CRTAC1: variants seen among roughly 807,000 people sequenced by gnomAD.
CRTAC1 encodes cartilage acidic protein 1.
A neutral mutation model predicts 67.8 loss-of-function variants in CRTAC1; 37 were observed. The ratio of observed to expected loss-of-function variants is 0.55; its 90% CI spans 0.42 to 0.72. CRTAC1 has a LOEUF of 0.72. CRTAC1 is among the 30% of genes least tolerant of loss of function. CRTAC1 has a pLI of 0.00. For missense variants in CRTAC1, 780 were observed against 931.6 expected (o/e 0.84, Z 2.12); for synonymous variants, 348 against 371.0 (o/e 0.94, Z 0.71).
rs142410532 is a variant in CRTAC1 at position 97,884,280 on chromosome 10, C to T, written c.1558G>A (p.Gly520Arg). The T allele has an allele frequency of 1.3e-3, 2,036 of 1,557,914 alleles. 1 individual carries two copies. Among genetic ancestry groups the T allele is most frequent in the Non-Finnish European group, 1.6e-3 (1,862 of 1,150,260 alleles). Residue 520 changes from glycine (G) to arginine (R), a missense_variant, in exon 12 of 15, where the codon GGG becomes AGG. Gly to Arg is a moderately radical substitution (Grantham distance 125). Coordinates refer to ENST00000370597, the MANE Select transcript of CRTAC1 (RefSeq NM_018058.7). Reference sequence around the variant, plus strand: ...ATCTCCAGCACTGAGTTCATCTCCCCGCTGGCCACGTTCCGGCTCACCATC... The same window carrying T: ...ATCTCCAGCACTGAGTTCATCTCCCTGCTGGCCACGTTCCGGCTCACCATC... ...GKMVSRNVAS[G>R]EMNSVLEILY...
chr10:97,865,172 G>A lies in CRTAC1; in HGVS notation c.*376C>T. ...CGATAATGGATGGCTAACAAGTTAA[G>A]TGACTGGTGTAAGGTCACATAGCTT... On this transcript the variant is annotated 3_prime_UTR_variant, in exon 15 of 15. Transcript: ENST00000370597. 5.4e-6 allele frequency: 1 copy of A among 186,612 alleles called. No individual in the cohort carries two copies. The highest frequency in any genetic ancestry group is 1.1e-5 in the Non-Finnish European group (1 of 90,948). 11.6% of individuals were successfully genotyped at this position (186,612 alleles called of 1,614,324 possible).
intron 3 of CRTAC1, among the ~76,000 whole-genome samples, chr10:97,925,776 G>A (rs2050906598): frequency 6.6e-6 from 1 of 152,098 alleles, no homozygotes. Flanking sequence ...TGAGCGTAGA[G>A]TGCGCGAGAA....
intron 11 of CRTAC1, among the ~76,000 whole-genome samples, chr10:97,891,982 G>A (rs937623860): frequency 2.0e-5 from 3 of 152,190 alleles, no homozygotes; most frequent in Non-Finnish European, 2.9e-5. Context: ...GGAGTCTGCC[G>A]GGAGGCCCCT....
At chr10:97,986,539 C>CA (rs1218513974) in intron 2 of CRTAC1, among the ~76,000 whole-genome samples, 1 of 152,022 alleles carries the variant, frequency 6.6e-6, no homozygotes, top group Non-Finnish European at 1.5e-5. Context: ...GAGGACAATA[C>CA]AAAAAACAAA....
intron 12 of CRTAC1, among the ~76,000 whole-genome samples, chr10:97,883,350 C>A (rs1025087600): frequency 2.0e-5 from 3 of 152,240 alleles, no homozygotes; most frequent in African/African-American, 7.2e-5. Flanking sequence ...CAAATTGACT[C>A]AGAGACTTAA....
Position 98,005,100 on chromosome 10 carries a change from A to ATTTT in CRTAC1, c.224+6034_224+6037dup, listed in dbSNP as rs10683960. Among the ~76,000 whole-genome samples, 195 of 48,880 alleles carry ATTTT rather than the reference A, an allele frequency of 4.0e-3. 3 individuals are homozygous for ATTTT. Among genetic ancestry groups the ATTTT allele is most frequent in the Non-Finnish European group, 4.8e-3 (139 of 28,964 alleles). The allele number at this position is 48,880 out of a possible 152,430, so 32.1% of individuals were successfully genotyped here. A position where few individuals can be genotyped will look rare whatever the true frequency, so the allele number is the denominator to read the frequency against. On this transcript the variant is annotated intron_variant, in intron 2 of 14. Coordinates refer to ENST00000370597, the MANE Select transcript of CRTAC1 (RefSeq NM_018058.7). ...GTAATACATATATATATATATATAT[A>ATTTT]TTTTTTTTTTTTTTTTTTTTTGAGA... is the stretch of plus-strand genomic sequence containing the variant.
At chr10:97,897,020 G>C in intron 8 of CRTAC1, 29 bp from the exon 9 acceptor site, 2 of 1,524,104 alleles carry the variant, frequency 1.3e-6, no homozygotes, top group Admixed American at 2.0e-5. Context: ...GCTTGCTCTG[G>C]TGGGGTCTCA....
Position 97,865,719 on chromosome 10 carries a change from A to G in CRTAC1, c.1820-5T>C. ...CCGGTGACTGGCCGAGAGTCCCTGT[A>G]GGGAGGTGTATGGCCGGAGTGAGGG... On this transcript the variant is annotated splice_region_variant and splice_polypyrimidine_tract_variant and intron_variant, in intron 14 of 14. Transcript: ENST00000370597. 1 of 1,587,216 alleles carries G rather than the reference A, an allele frequency of 6.3e-7. No individual in the cohort carries two copies. Among genetic ancestry groups the G allele is most frequent in the South Asian group, 1.1e-5 (1 of 88,856 alleles).
intron 5 of CRTAC1, among the ~76,000 whole-genome samples, chr10:97,915,445 C>T (rs535562742): frequency 1.4e-4 from 21 of 152,350 alleles, no homozygotes; most frequent in African/African-American, 5.1e-4. Flanking sequence ...GCTCCAGGGA[C>T]CTCCCAGCTC....
intron 1 of CRTAC1, among the ~76,000 whole-genome samples, chr10:98,023,123 C>A (rs1420428053): frequency 8.5e-5 from 13 of 152,084 alleles, no homozygotes. Flanking sequence ...CCTGCAGCAG[C>A]CAGGTGGGAA....
Position 97,975,587 on chromosome 10 carries a change from T to C in CRTAC1, c.224+35551A>G, listed in dbSNP as rs1224224060. Among the ~76,000 whole-genome samples, 1 of 152,138 alleles carries C rather than the reference T, an allele frequency of 6.6e-6. No homozygotes were observed. Among genetic ancestry groups the C allele is most frequent in the Non-Finnish European group, 1.5e-5 (1 of 68,010 alleles). On this transcript the variant is annotated intron_variant, in intron 2 of 14. Coordinates refer to ENST00000370597, the MANE Select transcript of CRTAC1 (RefSeq NM_018058.7). This position sits in a 1 kb window ranked among gnomAD's most constrained non-coding sequence, Gnocchi z 4.8. The stretch of plus-strand genomic sequence containing the variant: ...TTTTCCTAAAGGACGTGGGGCACCA[T>C]TTCTGTTACAACTGGCAGCCAGTCT...
chr10:98,005,096 ATATATTTTTTTT>A (rs1842758759), intron 2 of CRTAC1, among the ~76,000 whole-genome samples: 1 of 33,018 alleles, frequency 3.0e-5, no homozygotes, highest in Admixed American at 4.5e-4. Context: ...ATATATATAT[ATATATTTTTTTT>A]TTTTTTTTTT....
intron 11 of CRTAC1, among the ~76,000 whole-genome samples, chr10:97,891,197 A>G (rs2136550781): frequency 6.6e-6 from 1 of 152,328 alleles, no homozygotes; most frequent in African/African-American, 2.4e-5. Flanking sequence ...TTTCCTTAAT[A>G]TTCCAAACAG....
At position 97,953,466 on chromosome 10, in the gene CRTAC1, C is replaced by A. The variant is rs561630580; in HGVS notation, c.225-17100G>T. Among the ~76,000 whole-genome samples the A allele has an allele frequency of 2.0e-5, 3 of 152,228 alleles. No individual in the cohort carries two copies. The South Asian group carries it at 6.2e-4, about 32-fold the overall frequency. ...TAGCCTCGATAAATGGCCAGGAGGC[C>A]AGCAGACCCTCAATGGAGGTCCCTT... On this transcript the variant is annotated intron_variant, in intron 2 of 14. Transcript: ENST00000370597.
chr10:98,027,121 T>G (rs1285416142), intron 1 of CRTAC1, among the ~76,000 whole-genome samples: 1 of 149,926 alleles, frequency 6.7e-6, no homozygotes, highest in South Asian at 2.1e-4. Flanking sequence ...GAGCCGAGAT[T>G]GCGCCACTGC....
intron 11 of CRTAC1, among the ~76,000 whole-genome samples, chr10:97,890,183 C>T (rs916694236): frequency 1.3e-5 from 2 of 152,130 alleles, no homozygotes; most frequent in African/African-American, 4.8e-5. Flanking sequence ...GTGTTGTGAT[C>T]ATAGCTCACT....
chr10:97,975,512 G>T lies in CRTAC1; in HGVS notation c.224+35626C>A, dbSNP rs763107562. 2.0e-5 allele frequency among the ~76,000 whole-genome samples: 3 copies of T among 152,180 alleles called. No homozygotes were observed. Among genetic ancestry groups the T allele is most frequent in the Non-Finnish European group, 4.4e-5 (3 of 68,014 alleles). On this transcript the variant is annotated intron_variant, in intron 2 of 14. Transcript: ENST00000370597. This position sits in a 1 kb window ranked among gnomAD's most constrained non-coding sequence, Gnocchi z 4.8. ...CAACATCTCTTGGCATCCAAGAGCA[G>T]AAAGAGGATTACCCTGTCGGCATTT...
At chr10:97,956,035 G>A (rs915632746) in intron 2 of CRTAC1, among the ~76,000 whole-genome samples, 1 of 152,178 alleles carries the variant, frequency 6.6e-6, no homozygotes, top group East Asian at 1.9e-4. Context: ...TAAAGGCCAC[G>A]TAAGAGGCAA....
At chr10:97,878,558 A>T in intron 14 of CRTAC1, 1 of 1,261,524 alleles carries the variant, frequency 7.9e-7, no homozygotes, top group Non-Finnish European at 1.0e-6. Flanking sequence ...TCTATGTTTT[A>T]TAACAAGCCT....
Sources: gnomAD v4.1 joint callset for allele counts (sites outside exome capture counted in the v4.1 genomes callset) on GRCh38, gnomAD v4.1.1 for gene constraint, Gnocchi (gnomAD v3.1) non-coding constraint, MANE v1.5 for transcripts, NCBI Gene and HGNC (gene_info 2026-07-23, HGNC 2026-07-21) for gene names.